The following PCDHGA1 variants were observed in gnomAD, a reference collection of about 807,000 sequenced individuals.
The protein encoded by PCDHGA1 is protocadherin gamma-A1.
In PCDHGA1, 32 loss-of-function variants were observed where a neutral mutation model predicts 58.0. That is an observed-to-expected ratio of 0.55 (90% CI 0.42 to 0.74). PCDHGA1 has a LOEUF of 0.74. Ranked by LOEUF, PCDHGA1 falls within the 30% of genes least tolerant of loss-of-function variation. The pLI is 0.00. For synonymous variants in PCDHGA1, 498 were observed against 501.1 expected (o/e 0.99, Z 0.08); for missense variants, 1,205 against 1,182.3 (o/e 1.02, Z -0.28).
intron 1 of PCDHGA1, chr5:141,398,925 C>G (rs766149685): frequency 1.1e-5 from 17 of 1,613,966 alleles, no homozygotes; most frequent in Non-Finnish European, 1.4e-5. Flanking sequence ...AAGTGTCAGC[C>G]ACTGACCAAG....
intron 1 of PCDHGA1, among the ~76,000 whole-genome samples, chr5:141,406,747 CA>C (rs889749071): frequency 1.2e-4 from 19 of 152,168 alleles, no homozygotes; most frequent in Non-Finnish European, 2.1e-4. Flanking sequence ...TGTGAAATGA[CA>C]AAACAAGGAA....
intron 1 of PCDHGA1, chr5:141,423,387 G>A (rs373190092): frequency 6.2e-7 from 1 of 1,614,162 alleles, no homozygotes; most frequent in Non-Finnish European, 8.5e-7. Context: ...TGTGGCGCTG[G>A]CATAAGTCAC....
chr5:141,428,043 A>C (rs765740380), intron 1 of PCDHGA1: 1 of 1,608,722 alleles, frequency 6.2e-7, no homozygotes, highest in South Asian at 1.1e-5. Context: ...CTACCTGGTG[A>C]CCAAGGTGGT....
At position 141,489,924 on chromosome 5, in the gene PCDHGA1, C is replaced by G. The variant is rs755286650; in HGVS notation, c.2422-4883C>G. ...CAGCCCGCTCAGGGACCACCCTTAT[C>G]TCTGTCATCGTGCTGGACATCAATG... is the stretch of plus-strand genomic sequence containing the variant. On this transcript the variant is annotated intron_variant, in intron 1 of 3. Transcript: ENST00000517417. This position sits in a 1 kb window ranked among gnomAD's most constrained non-coding sequence, Gnocchi z 4.5. 22 of 1,614,226 alleles carry G rather than the reference C, an allele frequency of 1.4e-5. No homozygotes were observed. The highest frequency in any genetic ancestry group is 1.9e-5 in the Non-Finnish European group (22 of 1,180,030).
intron 1 of PCDHGA1, among the ~76,000 whole-genome samples, chr5:141,439,459 A>C (rs558086952): frequency 6.6e-6 from 1 of 152,222 alleles, no homozygotes. Flanking sequence ...GCAAGACTGC[A>C]CTGCTGCCTT....
chr5:141,380,578 G>A (rs532519748), intron 1 of PCDHGA1, among the ~76,000 whole-genome samples: 19 of 152,144 alleles, frequency 1.2e-4, no homozygotes, highest in African/African-American at 3.4e-4. Flanking sequence ...ATATCTTGGC[G>A]GTCTAGTAAA....
At chr5:141,355,887 C>T (rs759390436) in intron 1 of PCDHGA1, 1 of 1,613,492 alleles carries the variant, frequency 6.2e-7, no homozygotes, top group Non-Finnish European at 8.5e-7. Flanking sequence ...CCAGGATTCT[C>T]ATAATACTTG....
At chr5:141,412,938 T>C (rs2095590973) in intron 1 of PCDHGA1, 3 of 461,786 alleles carry the variant, frequency 6.5e-6, no homozygotes, top group Admixed American at 7.7e-5. Context: ...TTCTTAGGAC[T>C]CTGAGCGCCG....
intron 1 of PCDHGA1, chr5:141,423,723 T>C: frequency 8.5e-7 from 1 of 1,174,478 alleles, no homozygotes; most frequent in Non-Finnish European, 1.1e-6. Context: ...TAAGGAGATG[T>C]TTTTTGAGCC....
Position 141,394,604 on chromosome 5 carries a change from C to T in PCDHGA1, c.2421+61499C>T, listed in dbSNP as rs1589234871. On this transcript the variant is annotated intron_variant, in intron 1 of 3. Transcript: ENST00000517417. ...CCAAGGTGGTGGCGGTGGACAGAGA[C>T]TCGGGCCAGAACGCCTGGCTGTCCT... is the stretch of plus-strand genomic sequence containing the variant. 10 of 1,613,590 alleles carry T rather than the reference C, an allele frequency of 6.2e-6. No homozygotes were observed. The East Asian group carries it at 2.0e-4, about 32-fold the overall frequency.
chr5:141,403,533 T>G (rs1307203985), intron 1 of PCDHGA1: 2 of 1,613,992 alleles, frequency 1.2e-6, no homozygotes, highest in African/African-American at 2.7e-5. Flanking sequence ...AACCCAGAGC[T>G]GGTGCTGGAG....
intron 1 of PCDHGA1, chr5:141,387,709 A>G: frequency 2.0e-6 from 2 of 1,008,632 alleles, no homozygotes; most frequent in Non-Finnish European, 2.9e-6. Context: ...GGGCAGCCCC[A>G]GCTCAGACTC....
rs1246750536 is a variant in PCDHGA1 at position 141,386,428 on chromosome 5, C to T, written c.2421+53323C>T. On this transcript the variant is annotated intron_variant, in intron 1 of 3. Coordinates refer to ENST00000517417, the MANE Select transcript of PCDHGA1 (RefSeq NM_018912.3). ...TATGGTGTTGCAAGCTGTAGCCCAC[C>T]TGCATGGGAGGCTGAGGCAAGAGGA... Among the ~76,000 whole-genome samples the T allele has an allele frequency of 3.3e-5, 5 of 152,036 alleles. No individual in the cohort carries two copies. In the South Asian group the frequency reaches 6.2e-4, roughly 19 times the overall value.
chr5:141,423,154 C>A, intron 1 of PCDHGA1: 1 of 1,613,466 alleles, frequency 6.2e-7, no homozygotes, highest in South Asian at 1.1e-5. Flanking sequence ...CAAGCAGAGC[C>A]TCGTGGTGGC....
intron 1 of PCDHGA1, chr5:141,345,028 A>C (rs748428255): frequency 1.2e-6 from 2 of 1,614,052 alleles, no homozygotes; most frequent in East Asian, 4.5e-5. Context: ...TCAAGAGCCA[A>C]GATTCTAGTC....
chr5:141,402,394 G>T (rs928311359), intron 1 of PCDHGA1, among the ~76,000 whole-genome samples: 5 of 151,852 alleles, frequency 3.3e-5, no homozygotes, highest in Non-Finnish European at 7.4e-5. Context: ...AATTACTTCA[G>T]AAAATTGTTA....
chr5:141,428,167 G>GCGTGA (rs746443726), intron 1 of PCDHGA1: 3 of 1,548,998 alleles, frequency 1.9e-6, no homozygotes, highest in South Asian at 1.1e-5. Context: ...TGGTTGCTGT[G>GCGTGA]CGTGACGGAG....
intron 1 of PCDHGA1, chr5:141,375,806 G>T (rs1223554303): frequency 6.8e-6 from 11 of 1,614,088 alleles, no homozygotes; most frequent in African/African-American, 1.3e-5. Context: ...TTCCACTGGC[G>T]TGGAGCTGGC....
At chr5:141,421,300 C>A (rs377161386) in intron 1 of PCDHGA1, 2 of 1,613,320 alleles carry the variant, frequency 1.2e-6, no homozygotes, top group African/African-American at 1.3e-5. Context: ...GGGGACGCTG[C>A]GGGGGTTCCG....
Sources: allele counts gnomAD v4.1 joint callset (sites outside exome capture counted in the v4.1 genomes callset), GRCh38; gene constraint gnomAD v4.1.1; non-coding constraint Gnocchi (gnomAD v3.1); transcripts MANE v1.5; gene names NCBI Gene and HGNC (gene_info 2026-07-23, HGNC 2026-07-21).